NCOA2: variants seen among roughly 807,000 people sequenced by gnomAD.
NCOA2 encodes the protein nuclear receptor coactivator 2, also known as class E basic helix-loop-helix protein 75.
A neutral mutation model predicts 145.1 loss-of-function variants in NCOA2; 21 were observed. The observed-to-expected ratio is 0.14, with a 90% CI of 0.10 to 0.21. NCOA2 has a LOEUF of 0.21. Ranked by LOEUF, NCOA2 falls within the 10% of genes least tolerant of loss-of-function variation. The pLI, the probability that NCOA2 is intolerant of heterozygous loss-of-function variation, is 1.00. For synonymous variants in NCOA2, 619 were observed against 637.5 expected (o/e 0.97, Z 0.44); for missense variants, 1,472 against 1,837.6 (o/e 0.80, Z 3.64).
chr8:70,129,961 C>T (rs753365641), intron 16 of NCOA2, among the ~76,000 whole-genome samples: 1 of 152,196 alleles, frequency 6.6e-6, no homozygotes, highest in African/African-American at 2.4e-5. Flanking sequence ...TGAGCCACCA[C>T]GCCCAGCCTC....
chr8:70,144,628 AT>A lies in NCOA2; in HGVS notation c.2812+13del, dbSNP rs1292722664. 6.2e-7 allele frequency: 1 copy of A among 1,603,056 alleles called. No homozygotes were observed. The highest frequency in any genetic ancestry group is 1.7e-5 in the Admixed American group (1 of 59,992). ...TAACCCACCAATAAAGTAACAGTGC[AT>A]TTGACCCCTTACCTGTGCTACTGTT... On this transcript the variant is annotated intron_variant, in intron 13 of 22. Coordinates refer to ENST00000452400, the MANE Select transcript of NCOA2 (RefSeq NM_006540.4).
In NCOA2 at chr8:70,341,400, TAAATAA is replaced by T. The variant is rs3085560; in HGVS notation, c.-76-44606_-76-44601del. The stretch of plus-strand genomic sequence containing the variant: ...AGACCCTGTCTCAAAACAAATTAAG[TAAATAA>T]AAATAAATCAGTAGTTAAAATTCTA... On this transcript the variant is annotated intron_variant, in intron 1 of 22. Coordinates refer to ENST00000452400, the MANE Select transcript of NCOA2 (RefSeq NM_006540.4). Among the ~76,000 whole-genome samples, 583 of 152,176 alleles carry T rather than the reference TAAATAA, an allele frequency of 3.8e-3. 8 individuals are homozygous for T. The highest frequency in any genetic ancestry group is 0.013 in the African/African-American group (560 of 41,548).
rs537702818 is a variant in NCOA2 at position 70,139,183 on chromosome 8, T to C, written c.3029-851A>G. ...AGATGAGCTTTTAAAAATTATATTA[T>C]CATCATTATCTGTAGACCTGTATTC... On this transcript the variant is annotated intron_variant, in intron 14 of 22. Transcript: ENST00000452400. Among the ~76,000 whole-genome samples the C allele has an allele frequency of 8.3e-4, 127 of 152,330 alleles. 1 individual carries two copies. The highest frequency in any genetic ancestry group is 3.0e-3 in the African/African-American group (123 of 41,570).
chr8:70,128,239 C>T (rs1808665297), intron 18 of NCOA2, among the ~76,000 whole-genome samples, 194 bp downstream of exon 18: 1 of 152,156 alleles, frequency 6.6e-6, no homozygotes. Flanking sequence ...CAAGAATTGA[C>T]TGTACCTGGC....
chr8:70,175,792 T>C (rs952042233), intron 4 of NCOA2, among the ~76,000 whole-genome samples: 4 of 152,218 alleles, frequency 2.6e-5, no homozygotes, highest in African/African-American at 9.6e-5. Flanking sequence ...CATGTTATCG[T>C]TGTAATTAAA....
At chr8:70,250,856 A>G (rs1823108844) in intron 2 of NCOA2, among the ~76,000 whole-genome samples, 1 of 152,216 alleles carries the variant, frequency 6.6e-6, no homozygotes, top group Admixed American at 6.5e-5. Flanking sequence ...TAGCATTGTA[A>G]TTCCATACTA....
chr8:70,445,168 G>A, the NCOA2 span, among the ~76,000 whole-genome samples: 2 of 152,058 alleles, frequency 1.3e-5, no homozygotes, highest in Non-Finnish European at 2.9e-5. Flanking sequence ...TACAGTAATT[G>A]TAGCTGGAAA....
At chr8:70,159,244 T>TATATGTATATATATATATGTATATATA in intron 10 of NCOA2, among the ~76,000 whole-genome samples, 2 of 69,300 alleles carry the variant, frequency 2.9e-5, no homozygotes, top group African/African-American at 1.0e-4. Flanking sequence ...ATATATATAT[T>TATATGTATATATATATATGTATATATA]TTTTTTTTTT....
the NCOA2 span, among the ~76,000 whole-genome samples, chr8:70,412,148 G>A: frequency 1.9e-3 from 291 of 152,190 alleles, 1 homozygote; most frequent in Non-Finnish European, 3.4e-3. Flanking sequence ...CAGCCCAGGC[G>A]TGGTGGCTAG....
intron 2 of NCOA2, among the ~76,000 whole-genome samples, chr8:70,293,865 GT>G (rs1826887917): frequency 6.6e-6 from 1 of 152,014 alleles, no homozygotes; most frequent in African/African-American, 2.4e-5. Flanking sequence ...TGTTCAATAA[GT>G]TTTGTCTTTT....
intron 2 of NCOA2, among the ~76,000 whole-genome samples, chr8:70,290,466 G>A (rs916748257): frequency 2.0e-5 from 3 of 152,130 alleles, no homozygotes; most frequent in South Asian, 2.1e-4. Flanking sequence ...GGGATTACAG[G>A]TGTGAGCCAA....
intron 1 of NCOA2, among the ~76,000 whole-genome samples, chr8:70,385,904 A>G (rs893858013): frequency 2.0e-5 from 3 of 151,906 alleles, no homozygotes; most frequent in Non-Finnish European, 4.4e-5. Context: ...GCCTTTTCTG[A>G]GGCATTTGTG....
the NCOA2 span, among the ~76,000 whole-genome samples, chr8:70,414,260 G>A: frequency 6.6e-6 from 1 of 152,124 alleles, no homozygotes; most frequent in African/African-American, 2.4e-5. Flanking sequence ...TTCCATGTCT[G>A]AACTCCCTTC....
At chr8:70,204,518 T>C (rs961784185) in intron 4 of NCOA2, among the ~76,000 whole-genome samples, 3 of 152,320 alleles carry the variant, frequency 2.0e-5, no homozygotes, top group Admixed American at 6.5e-5. Flanking sequence ...TCTGTAATCC[T>C]TGTGCAAGGA....
intron 14 of NCOA2, among the ~76,000 whole-genome samples, chr8:70,140,462 T>A (rs1278570444): frequency 3.3e-5 from 5 of 152,100 alleles, no homozygotes; most frequent in Admixed American, 3.3e-4. Flanking sequence ...TGTAAGACCT[T>A]GCAACCTTCA....
Position 70,170,237 on chromosome 8 carries a change from G to A in NCOA2, c.506C>T (p.Thr169Met), listed in dbSNP as rs779963559. 2 of 1,613,396 alleles carry A rather than the reference G, an allele frequency of 1.2e-6. No homozygotes were observed. Among genetic ancestry groups the A allele is most frequent in the Non-Finnish European group, 8.5e-7 (1 of 1,179,708 alleles). ...VYSILHVGDH[T>M]EFVKNLLPKS... ...TGGCAGCAGGTTTTTGACAAATTCC[G>A]TGTGGTCCCCAACATGCAAGATGCT... The change falls in exon 6 of 23, where the codon ACG becomes ATG. Residue 169 changes from threonine to methionine, a missense_variant. By Grantham distance (81) the Thr-to-Met change is moderately conservative (BLOSUM62 -1). This residue lies in a region of NCOA2 where 284 missense variants were observed against 467.8 expected (regional missense o/e 0.61). Coordinates refer to ENST00000452400, the MANE Select transcript of NCOA2 (RefSeq NM_006540.4).
chr8:70,229,933 C>G (rs976004127), intron 2 of NCOA2, among the ~76,000 whole-genome samples: 3 of 152,158 alleles, frequency 2.0e-5, no homozygotes, highest in Admixed American at 2.0e-4. Context: ...TTATCTTCCT[C>G]TCTGAGGGAG....
intron 4 of NCOA2, among the ~76,000 whole-genome samples, chr8:70,181,766 T>C (rs1008823123): frequency 6.6e-6 from 1 of 152,208 alleles, no homozygotes; most frequent in Non-Finnish European, 1.5e-5. Context: ...CACAACAAAT[T>C]TGAAGATTCT....
intron 10 of NCOA2, 151 bp downstream of exon 10, chr8:70,159,354 G>T: frequency 1.4e-6 from 1 of 725,036 alleles, no homozygotes; most frequent in Non-Finnish European, 2.0e-6. Flanking sequence ...TTAGCCAACA[G>T]CTAATAACAA....
Sources: allele counts gnomAD v4.1 joint callset (sites outside exome capture counted in the v4.1 genomes callset), GRCh38; gene constraint gnomAD v4.1.1; regional missense constraint gnomAD v4.1.1; transcripts MANE v1.5; gene names NCBI Gene and HGNC (gene_info 2026-07-23, HGNC 2026-07-21).